The following ZFHX4 variants were observed in gnomAD, a reference collection of about 807,000 sequenced individuals.
ZFHX4 encodes the protein zinc finger homeobox 4.
In ZFHX4, 56 loss-of-function variants were observed where a neutral mutation model predicts 267.6. The ratio of observed to expected loss-of-function variants is 0.21; its 90% CI spans 0.17 to 0.26. The LOEUF (loss-of-function observed/expected upper bound fraction) is 0.26. ZFHX4 is among the 10% of genes least tolerant of loss of function. The pLI, the probability that ZFHX4 is intolerant of heterozygous loss-of-function variation, is 1.00. For missense variants in ZFHX4, 4,332 were observed against 4,420.0 expected, an observed-to-expected ratio of 0.98 and a Z score of 0.56; for synonymous variants, 1,778 against 1,665.6, an observed-to-expected ratio of 1.07 and a Z score of -1.64.
At chr8:76,690,075 G>A (rs1231287571) in intron 1 of ZFHX4, among the ~76,000 whole-genome samples, 1 of 152,034 alleles carries the variant, frequency 6.6e-6, no homozygotes, top group Non-Finnish European at 1.5e-5. Flanking sequence ...TCTAATGTTT[G>A]TCTGACTTGA....
At chr8:76,711,545 T>G (rs1430107452) in intron 3 of ZFHX4, among the ~76,000 whole-genome samples, 1 of 152,238 alleles carries the variant, frequency 6.6e-6, no homozygotes, top group East Asian at 1.9e-4. Flanking sequence ...TATATTCTTC[T>G]AATTTCATGT....
chr8:76,740,495 GA>G (rs149056986), intron 3 of ZFHX4, among the ~76,000 whole-genome samples: 2,668 of 148,290 alleles, frequency 0.018, 83 homozygotes, highest in African/African-American at 0.06. Flanking sequence ...ACCTACTGGG[GA>G]AAAAAAAAAG....
At position 76,740,955 on chromosome 8, in the gene ZFHX4, A is replaced by G. The variant is rs530289455; in HGVS notation, c.3093+32907A>G. ...GATATAGTTTTGAAAAATCACATCA[A>G]TTGAATTTATAGATATATTAATTAA... is the stretch of plus-strand genomic sequence containing the variant. On this transcript the variant is annotated intron_variant, in intron 3 of 10. Coordinates refer to ENST00000651372, the MANE Select transcript of ZFHX4 (RefSeq NM_024721.5). 8.5e-5 allele frequency among the ~76,000 whole-genome samples: 13 copies of G among 152,324 alleles called. 1 individual carries two copies. In the East Asian group the frequency reaches 2.3e-3, roughly 27 times the overall value.
chr8:76,735,286 T>G (rs1809129441), intron 3 of ZFHX4, among the ~76,000 whole-genome samples: 1 of 152,096 alleles, frequency 6.6e-6, no homozygotes, highest in South Asian at 2.1e-4. Context: ...TTGAGTTTAT[T>G]TTGCTTAGAA....
At chr8:76,845,157 A>T (rs1812333704) in intron 6 of ZFHX4, among the ~76,000 whole-genome samples, 1 of 152,122 alleles carries the variant, frequency 6.6e-6, no homozygotes, top group African/African-American at 2.4e-5. Flanking sequence ...TGTTGCTGAC[A>T]TTAATCTGCA....
At chr8:76,833,223 T>C in intron 4 of ZFHX4, 115 bp from the exon 5 acceptor site, 1 of 730,810 alleles carries the variant, frequency 1.4e-6, no homozygotes, top group Non-Finnish European at 2.4e-6. Context: ...TCACCTGAGC[T>C]TCACCTGATA....
intron 4 of ZFHX4, among the ~76,000 whole-genome samples, chr8:76,807,903 G>A (rs756420757): frequency 1.7e-4 from 26 of 151,900 alleles, no homozygotes; most frequent in Non-Finnish European, 3.1e-4. Flanking sequence ...CTATATAATA[G>A]TTTAATTTTC....
chr8:76,851,682 C>T lies in ZFHX4; in HGVS notation c.4761C>T (p.Asn1587=). ...SSPVPQETNS[N]TDNKPYKCSI... ...CTGTCCCACAAGAAACCAACAGCAA[C>T]ACAGATAACAAACCCTACAAGTGCA... Residue 1587 remains asparagine (N), a synonymous_variant, in exon 10 of 11, where the codon AAC becomes AAT. Coordinates refer to ENST00000651372, the MANE Select transcript of ZFHX4 (RefSeq NM_024721.5). 6.2e-7 allele frequency: 1 copy of T among 1,613,942 alleles called. No individual in the cohort carries two copies. Among genetic ancestry groups the T allele is most frequent in the Non-Finnish European group, 8.5e-7 (1 of 1,179,872 alleles).
chr8:76,832,497 T>C (rs955516708), intron 4 of ZFHX4, among the ~76,000 whole-genome samples: 1 of 151,998 alleles, frequency 6.6e-6, no homozygotes, highest in Non-Finnish European at 1.5e-5. Flanking sequence ...AGGGATTGGA[T>C]TGGAAAGACA....
At chr8:76,797,237 A>G (rs1228092639) in intron 4 of ZFHX4, among the ~76,000 whole-genome samples, 1 of 152,202 alleles carries the variant, frequency 6.6e-6, no homozygotes, top group Non-Finnish European at 1.5e-5. Context: ...TAATACATGA[A>G]TTTGGATATG....
intron 10 of ZFHX4, among the ~76,000 whole-genome samples, chr8:76,862,113 G>A (rs758509085): frequency 7.2e-5 from 11 of 152,140 alleles, no homozygotes; most frequent in Admixed American, 2.6e-4. Flanking sequence ...ATCCTGAGCT[G>A]TCCTTCAGTT....
In ZFHX4 at chr8:76,864,117, CA is replaced by C; in HGVS notation, c.10405del (p.Ser3469AlafsTer12). On this transcript the variant is annotated frameshift_variant, in exon 11 of 11. Transcript: ENST00000651372. LOFTEE classifies it high-confidence loss of function. ...GAAGCACTTAGCCAACACCTCCAGT[CA>C]AGCTTGCACAAAGAGAAAACAATCA... The part of the protein sequence containing the change: ...GNEALSQHLQ[S>X]SLHKEKTIKQ... 8.1e-6 allele frequency: 13 copies of C among 1,613,846 alleles called. No homozygotes were observed. The highest frequency in any genetic ancestry group is 1.1e-5 in the Non-Finnish European group (13 of 1,179,846).
At chr8:76,810,399 A>G (rs1014729097) in intron 4 of ZFHX4, among the ~76,000 whole-genome samples, 4 of 152,180 alleles carry the variant, frequency 2.6e-5, no homozygotes, top group African/African-American at 9.7e-5. Context: ...TGGTTACTTC[A>G]TTAGGTCCTC....
intron 1 of ZFHX4, among the ~76,000 whole-genome samples, chr8:76,701,054 T>G (rs1808089848): frequency 6.6e-6 from 1 of 152,162 alleles, no homozygotes; most frequent in South Asian, 2.1e-4. Context: ...AAGAAAGACC[T>G]CGTCTGACAT....
intron 4 of ZFHX4, among the ~76,000 whole-genome samples, chr8:76,789,177 C>A (rs748127457): frequency 6.6e-6 from 1 of 152,128 alleles, no homozygotes; most frequent in Non-Finnish European, 1.5e-5. Flanking sequence ...AAAATCCACT[C>A]CTGGATGAGT....
At chr8:76,745,293 A>G (rs1041890596) in intron 3 of ZFHX4, among the ~76,000 whole-genome samples, 6 of 152,178 alleles carry the variant, frequency 3.9e-5, no homozygotes, top group Non-Finnish European at 8.8e-5. Flanking sequence ...TTGGAAAGCT[A>G]TATTTTTTTG....
intron 3 of ZFHX4, among the ~76,000 whole-genome samples, chr8:76,775,812 C>G (rs1810386080): frequency 6.6e-6 from 1 of 151,802 alleles, no homozygotes; most frequent in African/African-American, 2.4e-5. Context: ...ATATGCTTGG[C>G]TTGCTCCAGA....
chr8:76,774,021 G>A (rs929800950), intron 3 of ZFHX4, among the ~76,000 whole-genome samples: 3 of 152,070 alleles, frequency 2.0e-5, no homozygotes, highest in Admixed American at 6.6e-5. Flanking sequence ...CTGAATAAAA[G>A]CACTGGTTGT....
At position 76,854,865 on chromosome 8, in the gene ZFHX4, C is replaced by G. The variant is rs779856559; in HGVS notation, c.7944C>G (p.Val2648=). ...GCGAAGTCGGGCTGAAAAAAAGGGT[C>G]GTGCAAGTCTGGTTCCAGAATACAC... The part of the protein sequence containing the change: ...IAREVGLKKR[V]VQVWFQNTRA... Residue 2648 remains valine (V), a synonymous_variant, in exon 10 of 11, where the codon GTC becomes GTG. Transcript: ENST00000651372. 3.7e-6 allele frequency: 6 copies of G among 1,610,230 alleles called. No individual in the cohort carries two copies. The highest frequency in any genetic ancestry group is 2.5e-6 in the Non-Finnish European group (3 of 1,178,616).
Sources: gnomAD v4.1 joint callset for allele counts (sites outside exome capture counted in the v4.1 genomes callset) on GRCh38, gnomAD v4.1.1 for gene constraint, MANE v1.5 for transcripts, NCBI Gene and HGNC (gene_info 2026-07-23, HGNC 2026-07-21) for gene names.